The following ZDHHC14 variants were observed in gnomAD, a reference collection of about 807,000 sequenced individuals.
The protein encoded by ZDHHC14 is zDHHC palmitoyltransferase 14.
A neutral mutation model predicts 47.7 loss-of-function variants in ZDHHC14; 16 were observed. The observed-to-expected ratio is 0.34, with a 90% CI of 0.23 to 0.51. ZDHHC14 has a LOEUF of 0.51. Ranked by LOEUF, ZDHHC14 falls within the 20% of genes least tolerant of loss-of-function variation. The probability of loss-of-function intolerance (pLI) is 0.97; values close to 1 mark genes in which losing one functional copy is unlikely to be tolerated. For synonymous variants in ZDHHC14, 293 were observed against 278.9 expected (o/e 1.05, Z -0.50); for missense variants, 515 against 662.5 (o/e 0.78, Z 2.44).
chr6:157,632,952 C>T, intron 5 of ZDHHC14, 70 bp downstream of exon 5: 1 of 1,502,286 alleles, frequency 6.7e-7, no homozygotes, highest in South Asian at 1.1e-5. Context: ...TCTGTGCGCA[C>T]ACCTCCTCAT....
At chr6:157,514,669 G>T (rs539234264) in intron 1 of ZDHHC14, among the ~76,000 whole-genome samples, 88 of 152,310 alleles carry the variant, frequency 5.8e-4, no homozygotes, top group Non-Finnish European at 1.1e-3. Context: ...CCCTTATTCC[G>T]GTTGTTGTTT....
chr6:157,528,810 TA>T (rs1781261119), intron 1 of ZDHHC14, among the ~76,000 whole-genome samples: 1 of 150,832 alleles, frequency 6.6e-6, no homozygotes, highest in Admixed American at 6.6e-5. Context: ...GGGCATTAAT[TA>T]ATTAATTAAA....
rs2115018163 is a variant in ZDHHC14, at chr6:157,672,723, G to A, written c.1069-1G>A. The A allele has an allele frequency of 7.2e-7, 1 of 1,385,898 alleles. No homozygotes were observed. The highest frequency in any genetic ancestry group is 9.6e-7 in the Non-Finnish European group (1 of 1,037,922). 85.9% of individuals were successfully genotyped at this position (1,385,898 alleles called of 1,614,324 possible). A position where few individuals can be genotyped will look rare whatever the true frequency, so the allele number is the denominator to read the frequency against. ...CTTTGCTGGCGCCTCCCGCTCTCCA[G>A]TGCGACCAAGACCAGTGCATTCAGA... On this transcript the variant is annotated splice_acceptor_variant, in intron 8 of 8. Coordinates refer to ENST00000359775, the MANE Select transcript of ZDHHC14 (RefSeq NM_024630.3). LOFTEE classifies it high-confidence loss of function.
chr6:157,382,625 G>A (rs1319133665), intron 1 of ZDHHC14, among the ~76,000 whole-genome samples: 1 of 152,214 alleles, frequency 6.6e-6, no homozygotes, highest in East Asian at 1.9e-4. Flanking sequence ...GATGTAGCCT[G>A]CCGTGGGAAG....
intron 1 of ZDHHC14, among the ~76,000 whole-genome samples, chr6:157,403,478 G>C (rs1294348453): frequency 1.3e-5 from 2 of 152,164 alleles, no homozygotes; most frequent in East Asian, 3.9e-4. Flanking sequence ...CTTTCTTCCT[G>C]TACCCTACCA....
chr6:157,625,727 C>T (rs144839312), intron 3 of ZDHHC14, among the ~76,000 whole-genome samples: 15 of 152,126 alleles, frequency 9.9e-5, no homozygotes, highest in South Asian at 2.1e-4. Context: ...ATAAACTCAA[C>T]AAACACAACA....
chr6:157,411,478 A>G (rs1034179372), intron 1 of ZDHHC14, among the ~76,000 whole-genome samples: 3 of 152,266 alleles, frequency 2.0e-5, no homozygotes, highest in Non-Finnish European at 4.4e-5. Flanking sequence ...AACTCTTGCC[A>G]TCAGGGTAGG....
chr6:157,479,637 T>C (rs376388956), intron 1 of ZDHHC14, among the ~76,000 whole-genome samples: 4 of 152,328 alleles, frequency 2.6e-5, no homozygotes, highest in Admixed American at 1.3e-4. Flanking sequence ...GCTCTACTTC[T>C]CAAAGGTGTA....
chr6:157,656,420 C>T (rs1477960076), intron 8 of ZDHHC14, among the ~76,000 whole-genome samples: 2 of 152,102 alleles, frequency 1.3e-5, no homozygotes, highest in Non-Finnish European at 2.9e-5. Flanking sequence ...CTGTAACCTC[C>T]GTCTCCCAGG....
intron 2 of ZDHHC14, among the ~76,000 whole-genome samples, chr6:157,571,115 T>C (rs1328167727): frequency 6.6e-6 from 1 of 152,248 alleles, no homozygotes; most frequent in African/African-American, 2.4e-5. Flanking sequence ...TTTGTGTTTC[T>C]ATTCATGGAA....
intron 1 of ZDHHC14, among the ~76,000 whole-genome samples, chr6:157,464,018 C>G (rs1226900568): frequency 2.0e-5 from 3 of 152,056 alleles, no homozygotes; most frequent in African/African-American, 7.3e-5. Flanking sequence ...GAGCAAGATT[C>G]TGTCTCAAAA....
At chr6:157,623,720 T>C (rs1438855983) in intron 3 of ZDHHC14, among the ~76,000 whole-genome samples, 8 of 151,918 alleles carry the variant, frequency 5.3e-5, no homozygotes, top group Admixed American at 5.2e-4. Context: ...CAGCTAATTT[T>C]TGTATTTTTA....
At chr6:157,578,527 A>G (rs1783392219) in intron 2 of ZDHHC14, among the ~76,000 whole-genome samples, 1 of 152,210 alleles carries the variant, frequency 6.6e-6, no homozygotes, top group African/African-American at 2.4e-5. Context: ...TGGGATCTCT[A>G]TTCTGTTCCA....
intron 1 of ZDHHC14, among the ~76,000 whole-genome samples, chr6:157,539,367 G>GAT (rs1781662448): frequency 6.6e-6 from 1 of 151,910 alleles, no homozygotes; most frequent in African/African-American, 2.4e-5. Flanking sequence ...TCATACCACT[G>GAT]CACTCCAGCC....
intron 2 of ZDHHC14, among the ~76,000 whole-genome samples, chr6:157,545,385 AGG>A (rs1781930508): frequency 6.7e-6 from 1 of 149,946 alleles, no homozygotes; most frequent in African/African-American, 2.5e-5. Context: ...TAAAAAAAAA[AGG>A]AGGAGGAGGC....
At chr6:157,607,688 T>C (rs1784594995) in intron 3 of ZDHHC14, among the ~76,000 whole-genome samples, 2 of 152,194 alleles carry the variant, frequency 1.3e-5, no homozygotes, top group Admixed American at 6.5e-5. Context: ...TGTTTAAACG[T>C]TGGAGAGCCT....
Position 157,615,324 on chromosome 6 carries a change from A to G in ZDHHC14, c.566-13025A>G, listed in dbSNP as rs539193679. Among the ~76,000 whole-genome samples the G allele has an allele frequency of 9.2e-5, 14 of 152,314 alleles. No homozygotes were observed. In the East Asian group the frequency reaches 2.1e-3, roughly 23 times the overall value. ...TCTGTGCGGACCCAAGTCTGCTGGC[A>G]GGGGTATTGATGTCGTACTTCGTCA... is the stretch of plus-strand genomic sequence containing the variant. On this transcript the variant is annotated intron_variant, in intron 3 of 8. Transcript: ENST00000359775.
intron 1 of ZDHHC14, among the ~76,000 whole-genome samples, chr6:157,484,259 A>T (rs1362020294): frequency 1.4e-5 from 2 of 144,788 alleles, no homozygotes; most frequent in African/African-American, 5.0e-5. Context: ...GAGGTTATTT[A>T]TATATATATG....
chr6:157,436,194 T>C (rs888931127), intron 1 of ZDHHC14, among the ~76,000 whole-genome samples: 2 of 152,170 alleles, frequency 1.3e-5, no homozygotes, highest in African/African-American at 4.8e-5. Flanking sequence ...AACTTAATGT[T>C]TCCGATCCTC....
Sources: allele counts gnomAD v4.1 joint callset (sites outside exome capture counted in the v4.1 genomes callset), GRCh38; gene constraint gnomAD v4.1.1; transcripts MANE v1.5; gene names NCBI Gene and HGNC (gene_info 2026-07-23, HGNC 2026-07-21).